The following NKAIN3 variants were observed in gnomAD, a reference collection of about 807,000 sequenced individuals.
NKAIN3 encodes sodium/potassium transporting ATPase interacting 3, also known as sodium/potassium-transporting ATPase subunit beta-1-interacting protein 3.
In NKAIN3, 25 loss-of-function variants were observed where a neutral mutation model predicts 30.2. That is an observed-to-expected ratio of 0.83 (90% CI 0.60 to 1.16). The LOEUF (loss-of-function observed/expected upper bound fraction) is 1.16, where lower values mean the gene tolerates loss of function less well. Among genes scored for constraint, NKAIN3 ranks in the 50% most tolerant of loss-of-function variants. NKAIN3 has a pLI of 0.00. For synonymous variants in NKAIN3, 91 were observed against 89.6 expected, an observed-to-expected ratio of 1.02 and a Z score of -0.09; for missense variants, 225 against 254.1, an observed-to-expected ratio of 0.89 and a Z score of 0.78.
chr8:62,711,622 T>C (rs1814721328), intron 3 of NKAIN3, among the ~76,000 whole-genome samples: 1 of 152,182 alleles, frequency 6.6e-6, no homozygotes, highest in Non-Finnish European at 1.5e-5. Context: ...TCTATTTCTT[T>C]GAATATTTCT....
intron 3 of NKAIN3, among the ~76,000 whole-genome samples, chr8:62,597,745 C>G (rs74702650): frequency 0.023 from 3,449 of 152,008 alleles, 90 homozygotes; most frequent in African/African-American, 0.072. Context: ...TTTGTATATA[C>G]TTTATAATAG....
chr8:62,712,216 C>T (rs1181050426), intron 3 of NKAIN3, among the ~76,000 whole-genome samples: 1 of 152,102 alleles, frequency 6.6e-6, no homozygotes, highest in African/African-American at 2.4e-5. Context: ...CGGTTGGCCT[C>T]CTGCGAGGAG....
At chr8:62,496,427 G>A (rs557376880) in intron 1 of NKAIN3, among the ~76,000 whole-genome samples, 14 of 152,184 alleles carry the variant, frequency 9.2e-5, no homozygotes, top group African/African-American at 3.4e-4. Flanking sequence ...CTCATCCAGT[G>A]TGTTCTTCCT....
At chr8:62,937,825 A>G (rs1238185016) in intron 5 of NKAIN3, among the ~76,000 whole-genome samples, 1 of 152,078 alleles carries the variant, frequency 6.6e-6, no homozygotes, top group African/African-American at 2.4e-5. Context: ...AGCCTTGCTT[A>G]CTGGTTGCGT....
intron 4 of NKAIN3, among the ~76,000 whole-genome samples, chr8:62,917,139 G>C (rs970293091): frequency 6.6e-6 from 1 of 151,866 alleles, no homozygotes; most frequent in Non-Finnish European, 1.5e-5. Flanking sequence ...TTACCCCCAG[G>C]CTAAGGGCAC....
intron 1 of NKAIN3, among the ~76,000 whole-genome samples, chr8:62,467,059 C>A (rs537697875): frequency 1.8e-4 from 28 of 152,268 alleles, no homozygotes; most frequent in Non-Finnish European, 3.1e-4. Context: ...CACCTCACTT[C>A]TTTTCCTGCT....
chr8:62,940,337 T>C (rs1413532924), intron 5 of NKAIN3, among the ~76,000 whole-genome samples: 1 of 152,048 alleles, frequency 6.6e-6, no homozygotes, highest in African/African-American at 2.4e-5. Context: ...CAATACTCCA[T>C]GGACAGCACT....
At chr8:62,444,020 C>T (rs948895642) in intron 1 of NKAIN3, among the ~76,000 whole-genome samples, 9 of 152,074 alleles carry the variant, frequency 5.9e-5, no homozygotes, top group Non-Finnish European at 1.3e-4. Context: ...TAAAGATAAA[C>T]AGTTAATGGT....
chr8:62,415,096 C>T (rs189197884), intron 1 of NKAIN3, among the ~76,000 whole-genome samples: 144 of 138,082 alleles, frequency 1.0e-3, no homozygotes, highest in African/African-American at 3.6e-3. Flanking sequence ...TACTATATTA[C>T]ATATAATATA....
At chr8:62,655,804 AC>A (rs1812745846) in intron 3 of NKAIN3, among the ~76,000 whole-genome samples, 1 of 152,110 alleles carries the variant, frequency 6.6e-6, no homozygotes, top group South Asian at 2.1e-4. Context: ...TGTCCAAACA[AC>A]AGGTGTTTGC....
intron 3 of NKAIN3, among the ~76,000 whole-genome samples, chr8:62,713,171 A>G (rs1312517314): frequency 6.6e-6 from 1 of 152,196 alleles, no homozygotes; most frequent in Non-Finnish European, 1.5e-5. Flanking sequence ...AGTAAGGAGC[A>G]GGGAGACCTT....
At chr8:62,476,038 A>G (rs537002060) in intron 1 of NKAIN3, among the ~76,000 whole-genome samples, 2 of 152,298 alleles carry the variant, frequency 1.3e-5, no homozygotes, top group African/African-American at 4.8e-5. Context: ...AATACATGGC[A>G]CATATCAAGT....
At chr8:62,322,198 G>A (rs997050167) in intron 1 of NKAIN3, among the ~76,000 whole-genome samples, 1 of 152,214 alleles carries the variant, frequency 6.6e-6, no homozygotes, top group African/African-American at 2.4e-5. Flanking sequence ...TAGGGTGGGA[G>A]TGACCCGATT....
chr8:62,835,700 G>C (rs943474204), intron 4 of NKAIN3, among the ~76,000 whole-genome samples: 1 of 152,116 alleles, frequency 6.6e-6, no homozygotes. Context: ...ACAGATGCTG[G>C]TGAGGCTGTG....
intron 4 of NKAIN3, among the ~76,000 whole-genome samples, chr8:62,771,230 C>A (rs1273537441): frequency 6.6e-6 from 1 of 151,718 alleles, no homozygotes; most frequent in African/African-American, 2.4e-5. Flanking sequence ...GAGTTCAAGA[C>A]CAAACAGGGC....
chr8:62,778,273 G>A (rs969067414), intron 4 of NKAIN3, among the ~76,000 whole-genome samples: 1 of 152,122 alleles, frequency 6.6e-6, no homozygotes, highest in African/African-American at 2.4e-5. Context: ...CCAGGTTTAT[G>A]TCCTTCCCTT....
chr8:62,345,338 TATATACACAC>T (rs1185990980), intron 1 of NKAIN3, among the ~76,000 whole-genome samples: 1 of 13,868 alleles, frequency 7.2e-5, no homozygotes, highest in Non-Finnish European at 3.0e-4. Flanking sequence ...CATATATGTA[TATATACACAC>T]ATATACACAT....
intron 4 of NKAIN3, among the ~76,000 whole-genome samples, chr8:62,877,702 C>T (rs1183940205): frequency 3.9e-5 from 6 of 152,042 alleles, no homozygotes; most frequent in East Asian, 3.9e-4. Flanking sequence ...GATAAATGGA[C>T]GGCTTATTTT....
chr8:62,809,903 T>C (rs1278323450), intron 4 of NKAIN3, among the ~76,000 whole-genome samples: 2 of 152,220 alleles, frequency 1.3e-5, no homozygotes, highest in Non-Finnish European at 2.9e-5. Flanking sequence ...CAATATTATG[T>C]ATTTTAATCC....
Sources: allele counts gnomAD v4.1 joint callset (sites outside exome capture counted in the v4.1 genomes callset), GRCh38; gene constraint gnomAD v4.1.1; transcripts MANE v1.5; gene names NCBI Gene and HGNC (gene_info 2026-07-23, HGNC 2026-07-21).